ADAM2: variants seen among roughly 807,000 people sequenced by gnomAD.
ADAM2 encodes ADAM metallopeptidase domain 2, also known as disintegrin and metalloproteinase domain-containing protein 2.
ADAM2 carries 101 observed loss-of-function variants against 99.3 expected under a neutral mutation model. The observed-to-expected ratio is 1.02, with a 90% CI of 0.87 to 1.20. The LOEUF (loss-of-function observed/expected upper bound fraction) is 1.20. ADAM2 is among the 50% of genes most tolerant of loss of function. ADAM2 has a pLI of 0.00. For synonymous variants in ADAM2, 323 were observed against 287.6 expected (o/e 1.12, Z -1.25); for missense variants, 948 against 878.7 (o/e 1.08, Z -1.00).
intron 6 of ADAM2, among the ~76,000 whole-genome samples, chr8:39,810,367 C>T (rs1158940683): frequency 6.6e-6 from 1 of 152,190 alleles, no homozygotes; most frequent in Non-Finnish European, 1.5e-5. Context: ...CAACATTAGA[C>T]AGATCAAAGA....
At chr8:39,782,673 G>A (rs60985384) in intron 10 of ADAM2, among the ~76,000 whole-genome samples, 275 of 152,096 alleles carry the variant, frequency 1.8e-3, no homozygotes, top group African/African-American at 6.1e-3. Flanking sequence ...AGGATAAGCC[G>A]TCTTATATGT....
At chr8:39,820,648 A>C (rs543438804) in intron 6 of ADAM2, among the ~76,000 whole-genome samples, 1 of 152,208 alleles carries the variant, frequency 6.6e-6, no homozygotes, top group East Asian at 1.9e-4. Flanking sequence ...TCTCCTCAGG[A>C]CCCTAGATAT....
At position 39,755,524 on chromosome 8, in the gene ADAM2, A is replaced by T. The variant is rs112422483; in HGVS notation, c.1797+204T>A. ...ACTCCGTCTCTACTAAAAATACAAA[A>T]ATTAGCCGGGTGTGGTGGTACCACC... On this transcript the variant is annotated intron_variant, in intron 16 of 20. Coordinates refer to ENST00000265708, the MANE Select transcript of ADAM2 (RefSeq NM_001464.5). Among the ~76,000 whole-genome samples, 1,346 of 152,188 alleles carry T rather than the reference A, an allele frequency of 8.8e-3. 18 individuals are homozygous for T. The highest frequency in any genetic ancestry group is 0.031 in the African/African-American group (1,288 of 41,520).
intron 3 of ADAM2, among the ~76,000 whole-genome samples, chr8:39,830,319 C>T (rs1805564659): frequency 6.6e-6 from 1 of 152,092 alleles, no homozygotes; most frequent in Non-Finnish European, 1.5e-5. Flanking sequence ...AATAAACTGG[C>T]CCATAGGTCA....
intron 6 of ADAM2, among the ~76,000 whole-genome samples, chr8:39,815,156 G>T (rs1804888365): frequency 6.6e-6 from 1 of 152,056 alleles, no homozygotes; most frequent in African/African-American, 2.4e-5. Context: ...AGGATGGATA[G>T]TTCCACTTAT....
intron 3 of ADAM2, among the ~76,000 whole-genome samples, chr8:39,832,642 G>GT (rs752500336): frequency 5.3e-5 from 8 of 152,072 alleles, no homozygotes; most frequent in Non-Finnish European, 1.0e-4. Context: ...TGAGCCAAGA[G>GT]TTTTTTGGCA....
In ADAM2 at chr8:39,749,725, CAT is replaced by C; in HGVS notation, c.1815_1816del (p.Val607GlufsTer8). ...ATAACCCAAGTATGAAGAACTCACA[CAT>C]CTTTGATTCCTGCAAACCTAAAAAG... On this transcript the variant is annotated frameshift_variant, in exon 17 of 21. Transcript: ENST00000265708. LOFTEE classifies it high-confidence loss of function. 1 of 1,612,260 alleles carries C rather than the reference CAT, an allele frequency of 6.2e-7. No individual in the cohort carries two copies. Among genetic ancestry groups the C allele is most frequent in the Non-Finnish European group, 8.5e-7 (1 of 1,178,816 alleles).
At chr8:39,786,390 T>C (rs1803467744) in intron 10 of ADAM2, among the ~76,000 whole-genome samples, 1 of 152,128 alleles carries the variant, frequency 6.6e-6, no homozygotes, top group Non-Finnish European at 1.5e-5. Flanking sequence ...TCTAAGAAAC[T>C]CCTGCAGATA....
intron 14 of ADAM2, among the ~76,000 whole-genome samples, chr8:39,764,026 G>A (rs966472850): frequency 1.7e-4 from 26 of 152,294 alleles, no homozygotes; most frequent in African/African-American, 5.5e-4. Context: ...CGACCCCCAG[G>A]TTGCCAATCA....
intron 16 of ADAM2, among the ~76,000 whole-genome samples, chr8:39,751,591 C>A (rs1342372487): frequency 6.6e-6 from 1 of 151,984 alleles, no homozygotes; most frequent in Non-Finnish European, 1.5e-5. Flanking sequence ...GGAAAAGCAG[C>A]ATCCAAATAA....
chr8:39,799,172 T>A (rs901892901), intron 7 of ADAM2, among the ~76,000 whole-genome samples: 2 of 152,214 alleles, frequency 1.3e-5, no homozygotes, highest in Non-Finnish European at 2.9e-5. Context: ...AACATGGGCA[T>A]TTCGTGCTAT....
intron 6 of ADAM2, among the ~76,000 whole-genome samples, chr8:39,810,549 G>A (rs2129587047): frequency 6.6e-6 from 1 of 152,310 alleles, no homozygotes; most frequent in Middle Eastern, 3.4e-3. Context: ...GCACTCCTCA[G>A]CAAATGTAAA....
intron 6 of ADAM2, among the ~76,000 whole-genome samples, chr8:39,813,559 G>C (rs958234671): frequency 1.3e-5 from 2 of 152,160 alleles, no homozygotes; most frequent in Non-Finnish European, 2.9e-5. Context: ...AGAAAATGTG[G>C]CACATACACA....
At chr8:39,810,263 A>C (rs1039421829) in intron 6 of ADAM2, among the ~76,000 whole-genome samples, 13 of 152,242 alleles carry the variant, frequency 8.5e-5, no homozygotes, top group Middle Eastern at 3.2e-3. Context: ...AGCCAAATAC[A>C]GGAGCACCCA....
chr8:39,835,481 G>A (rs1214360445), intron 2 of ADAM2, among the ~76,000 whole-genome samples: 2 of 151,926 alleles, frequency 1.3e-5, no homozygotes, highest in Non-Finnish European at 2.9e-5. Context: ...TCAGGAGATC[G>A]AGACCATCCT....
chr8:39,750,352 A>G (rs1371939472), intron 16 of ADAM2, among the ~76,000 whole-genome samples: 1 of 152,154 alleles, frequency 6.6e-6, no homozygotes, highest in East Asian at 1.9e-4. Context: ...CATCTTGTTC[A>G]TACCATAACA....
chr8:39,776,904 T>A, intron 11 of ADAM2, 121 bp downstream of exon 11: 1 of 623,996 alleles, frequency 1.6e-6, no homozygotes, highest in Admixed American at 3.1e-5. Flanking sequence ...CACATTTTGG[T>A]CCTGGAGTCC....
chr8:39,778,804 C>T (rs1478559708), intron 10 of ADAM2, among the ~76,000 whole-genome samples: 11 of 152,118 alleles, frequency 7.2e-5, no homozygotes, highest in East Asian at 1.9e-4. Context: ...TTTCAAGAAG[C>T]TAAATACTGT....
chr8:39,777,107 T>A lies in ADAM2; in HGVS notation c.946A>T (p.Ser316Cys). ...TCATAAGTGATCCCCATACTAAGGC[T>A]CAATAATTGAGCTAAAATAACTGCA... ...SLAVILAQLL[S>C]LSMGITYDDI... is the part of the protein sequence containing the mutation. The change falls in exon 11 of 21, where the codon AGC becomes TGC. Residue 316 changes from serine to cysteine, a missense_variant. By Grantham distance (112) the Ser-to-Cys change is moderately radical (BLOSUM62 -1). Transcript: ENST00000265708. 1 of 1,609,756 alleles carries A rather than the reference T, an allele frequency of 6.2e-7. No individual in the cohort carries two copies. The highest frequency in any genetic ancestry group is 8.5e-7 in the Non-Finnish European group (1 of 1,176,582).
Sources: gnomAD v4.1 joint callset for allele counts (sites outside exome capture counted in the v4.1 genomes callset) on GRCh38, gnomAD v4.1.1 for gene constraint, MANE v1.5 for transcripts, NCBI Gene and HGNC (gene_info 2026-07-23, HGNC 2026-07-21) for gene names.